ABHD6: variants seen among roughly 807,000 people sequenced by gnomAD.
ABHD6 encodes the protein monoacylglycerol lipase ABHD6.
In ABHD6, 33 loss-of-function variants were observed where a neutral mutation model predicts 38.8. That is an observed-to-expected ratio of 0.85 (90% CI 0.64 to 1.14). ABHD6 has a LOEUF of 1.14. Among genes scored for constraint, ABHD6 ranks in the 50% most tolerant of loss-of-function variants. The pLI is 0.00. For synonymous variants in ABHD6, 147 were observed against 161.6 expected (o/e 0.91, Z 0.69); for missense variants, 380 against 422.6 (o/e 0.90, Z 0.88).
intron 6 of ABHD6, among the ~76,000 whole-genome samples, chr3:58,271,931 AT>A (rs1559778912): frequency 6.6e-6 from 1 of 151,572 alleles, no homozygotes; most frequent in African/African-American, 2.4e-5. Flanking sequence ...TGCCCAGCTA[AT>A]TTTTTGCATT....
rs1174642541 is a variant in ABHD6 at position 58,256,104 on chromosome 3, CACACAT to C, written c.-25-452_-25-447del. 0.023 allele frequency among the ~76,000 whole-genome samples: 2,489 copies of C among 108,756 alleles called. 54 individuals carry two copies. The highest frequency in any genetic ancestry group is 0.12 in the East Asian group (439 of 3,776). 71.3% of individuals were successfully genotyped at this position (108,756 alleles called of 152,430 possible). On this transcript the variant is annotated intron_variant, in intron 2 of 9. Coordinates refer to ENST00000478253, the MANE Select transcript of ABHD6 (RefSeq NM_001320126.2). The surrounding 1 kb of genome is among the most constrained non-coding windows in gnomAD (Gnocchi z 4.3). ...ACACACACACACACACACACACACA[CACACAT>C]ACACACACTACTTTTTCTCTCCTGA...
rs1225574676 is a variant in ABHD6, at chr3:58,257,258, A to G, written c.119+553A>G. ...TCCACCCACATTCCCAAAGTCAGTG[A>G]TTCTGTCTTCAAGCAAGAATTGTAC... is the stretch of plus-strand genomic sequence containing the variant. On this transcript the variant is annotated intron_variant, in intron 3 of 9. Coordinates refer to ENST00000478253, the MANE Select transcript of ABHD6 (RefSeq NM_001320126.2). This position sits in a 1 kb window ranked among gnomAD's most constrained non-coding sequence, Gnocchi z 4.8. 1.3e-5 allele frequency among the ~76,000 whole-genome samples: 2 copies of G among 152,102 alleles called. No individual in the cohort carries two copies. Among genetic ancestry groups the G allele is most frequent in the African/African-American group, 4.8e-5 (2 of 41,500 alleles).
At chr3:58,275,257 G>C (rs1235007090) in intron 7 of ABHD6, among the ~76,000 whole-genome samples, 1 of 150,140 alleles carries the variant, frequency 6.7e-6, no homozygotes, top group African/African-American at 2.5e-5. Context: ...TGAAGATGGA[G>C]TTAGAAAGGG....
intron 7 of ABHD6, among the ~76,000 whole-genome samples, chr3:58,284,418 T>A (rs1243924169): frequency 6.6e-6 from 1 of 152,018 alleles, no homozygotes; most frequent in Non-Finnish European, 1.5e-5. Flanking sequence ...TGGATATTAC[T>A]GGCGAATTAC....
intron 4 of ABHD6, among the ~76,000 whole-genome samples, chr3:58,268,325 T>C (rs1340170189): frequency 2.6e-5 from 4 of 152,206 alleles, no homozygotes; most frequent in African/African-American, 9.7e-5. Context: ...CCTTCATTCC[T>C]TCTTTTCCTT....
At chr3:58,247,699 T>G (rs2097427379) in intron 1 of ABHD6, among the ~76,000 whole-genome samples, 1 of 152,060 alleles carries the variant, frequency 6.6e-6, no homozygotes, top group African/African-American at 2.4e-5. Context: ...CTCAGCCTCC[T>G]GAGTTGCAGG....
chr3:58,238,378 C>G lies in ABHD6; in HGVS notation c.-91+462C>G, dbSNP rs185109376. ...TCACGCGCCGCCTCCGCGCCGTCCC[C>G]AAGATCTCGCTCCGCTACTCCCCTC... On this transcript the variant is annotated intron_variant, in intron 1 of 9. Transcript: ENST00000478253. The surrounding 1 kb of genome is among the most constrained non-coding windows in gnomAD (Gnocchi z 6.9). 15 of 152,824 alleles carry G rather than the reference C, an allele frequency of 9.8e-5. No homozygotes were observed. The East Asian group carries it at 2.9e-3, about 29-fold the overall frequency. 9.5% of individuals were successfully genotyped at this position (152,824 alleles called of 1,614,324 possible).
Position 58,269,440 on chromosome 3 carries a change from C to G in ABHD6, c.390+6C>G, listed in dbSNP as rs1559777930. On this transcript the variant is annotated splice_donor_region_variant and intron_variant, in intron 5 of 9. Coordinates refer to ENST00000478253, the MANE Select transcript of ABHD6 (RefSeq NM_001320126.2). This position sits in a 1 kb window ranked among gnomAD's most constrained non-coding sequence, Gnocchi z 4.4. Reference sequence around the variant, plus strand: ...AAGTTAAGAGGATACACCAGGTAAGCAGGAGGCTCTACCAAAGATTGCCCA... The same window carrying G: ...AAGTTAAGAGGATACACCAGGTAAGGAGGAGGCTCTACCAAAGATTGCCCA... 2 of 1,606,534 alleles carry G rather than the reference C, an allele frequency of 1.2e-6. No individual in the cohort carries two copies. The highest frequency in any genetic ancestry group is 2.2e-5 in the East Asian group (1 of 44,792).
At chr3:58,282,267 C>T (rs975452858) in intron 7 of ABHD6, among the ~76,000 whole-genome samples, 1 of 152,102 alleles carries the variant, frequency 6.6e-6, no homozygotes, top group East Asian at 1.9e-4. Flanking sequence ...TGTAGGAGAG[C>T]ACAAATGGAA....
At position 58,285,316 on chromosome 3, in the gene ABHD6, C is replaced by G. The variant is rs1302341294; in HGVS notation, c.737-37C>G. 3 of 1,601,072 alleles carry G rather than the reference C, an allele frequency of 1.9e-6. No homozygotes were observed. The highest frequency in any genetic ancestry group is 1.7e-6 in the Non-Finnish European group (2 of 1,168,238). ...TCTGCGGTGGTGCCACAGGCACAGT[C>G]CAGCACATACTCACTTTGTTTTCCT... On this transcript the variant is annotated intron_variant, in intron 8 of 9. Transcript: ENST00000478253. This position sits in a 1 kb window ranked among gnomAD's most constrained non-coding sequence, Gnocchi z 4.9.
chr3:58,270,097 A>AT (rs2097443748), intron 5 of ABHD6, among the ~76,000 whole-genome samples: 2 of 152,144 alleles, frequency 1.3e-5, no homozygotes, highest in South Asian at 4.1e-4. Flanking sequence ...TCCAATGAAT[A>AT]TTTTTTAGAA....
At chr3:58,284,626 T>C (rs9836890) in intron 7 of ABHD6, among the ~76,000 whole-genome samples, 4,871 of 152,044 alleles carry the variant, frequency 0.032, 263 homozygotes, top group African/African-American at 0.11. Context: ...AGTTTTTGTC[T>C]TTTTAGTAGA....
chr3:58,294,104 C>T lies in ABHD6; in HGVS notation c.*339C>T, dbSNP rs1167568363. ...TAAATCAAGGACATTTTCTTTGAGA[C>T]ATTCCTTATAGTTGGAGACTCAAGA... On this transcript the variant is annotated 3_prime_UTR_variant, in exon 10 of 10. Transcript: ENST00000478253. 9.9e-6 allele frequency: 2 copies of T among 202,406 alleles called. No homozygotes were observed. Among genetic ancestry groups the T allele is most frequent in the Admixed American group, 5.5e-5 (1 of 18,338 alleles). 12.5% of individuals were successfully genotyped at this position (202,406 alleles called of 1,614,324 possible). A position where few individuals can be genotyped will look rare whatever the true frequency, so the allele number is the denominator to read the frequency against.
rs897259496 is a variant in ABHD6 at position 58,259,738 on chromosome 3, A to C, written c.119+3033A>C. On this transcript the variant is annotated intron_variant, in intron 3 of 9. Coordinates refer to ENST00000478253, the MANE Select transcript of ABHD6 (RefSeq NM_001320126.2). This position sits in a 1 kb window ranked among gnomAD's most constrained non-coding sequence, Gnocchi z 4.7. ...TGTAAATAAATAAAATGTACAATTCAGTGGTTTTAATATATTCAGAGTGTT... is the reference window on the plus strand; with the variant it reads ...TGTAAATAAATAAAATGTACAATTCCGTGGTTTTAATATATTCAGAGTGTT... Among the ~76,000 whole-genome samples the C allele has an allele frequency of 1.3e-5, 2 of 152,194 alleles. No homozygotes were observed. Among genetic ancestry groups the C allele is most frequent in the Admixed American group, 6.5e-5 (1 of 15,272 alleles).
chr3:58,244,850 T>C (rs1559769509), intron 1 of ABHD6, among the ~76,000 whole-genome samples: 1 of 152,360 alleles, frequency 6.6e-6, no homozygotes, highest in East Asian at 1.9e-4. Flanking sequence ...AGATTCGATT[T>C]TTGTTTTATT....
rs2097464577 is a variant in ABHD6, at chr3:58,293,229, C to G, written c.838-360C>G. ...TCCGTGAATGCTCCTCCCCTGTCCCCTTTCTGCTCTCCCGGGACTCAGGAA... is the reference window on the plus strand; with the variant it reads ...TCCGTGAATGCTCCTCCCCTGTCCCGTTTCTGCTCTCCCGGGACTCAGGAA... On this transcript the variant is annotated intron_variant, in intron 9 of 9. Coordinates refer to ENST00000478253, the MANE Select transcript of ABHD6 (RefSeq NM_001320126.2). The surrounding 1 kb of genome is among the most constrained non-coding windows in gnomAD (Gnocchi z 4.4). Among the ~76,000 whole-genome samples, 1 of 152,186 alleles carries G rather than the reference C, an allele frequency of 6.6e-6. No homozygotes were observed. The highest frequency in any genetic ancestry group is 6.5e-5 in the Admixed American group (1 of 15,284).
chr3:58,274,659 C>G lies in ABHD6; in HGVS notation c.525C>G (p.Gly175=). Residue 175 remains glycine (G), a splice_region_variant and synonymous_variant, in exon 7 of 10, where the codon GGC becomes GGG. Coordinates refer to ENST00000478253, the MANE Select transcript of ABHD6 (RefSeq NM_001320126.2). ...VSSLCLVCPA[G]LQYSTDNQFV... ...GCCATTTGGGTTTGAATCCCACAGG[C>G]CTGCAGTACTCAACTGACAATCAAT... The G allele has an allele frequency of 6.2e-7, 1 of 1,613,730 alleles. No homozygotes were observed. The highest frequency in any genetic ancestry group is 8.5e-7 in the Non-Finnish European group (1 of 1,179,752).
At position 58,263,490 on chromosome 3, in the gene ABHD6, G is replaced by T. The variant is rs1323415824; in HGVS notation, c.120-3699G>T. 6.6e-6 allele frequency among the ~76,000 whole-genome samples: 1 copy of T among 152,028 alleles called. No homozygotes were observed. Among genetic ancestry groups the T allele is most frequent in the Non-Finnish European group, 1.5e-5 (1 of 68,014 alleles). ...ATGTACCAATTAAATGAAAAATATC[G>T]AGTAGTACCAAAGAGCTCTGTCTGA... On this transcript the variant is annotated intron_variant, in intron 3 of 9. Coordinates refer to ENST00000478253, the MANE Select transcript of ABHD6 (RefSeq NM_001320126.2). The surrounding 1 kb of genome is among the most constrained non-coding windows in gnomAD (Gnocchi z 4.9).
chr3:58,240,560 T>A (rs2097422080), intron 1 of ABHD6, among the ~76,000 whole-genome samples: 1 of 152,038 alleles, frequency 6.6e-6, no homozygotes, highest in South Asian at 2.1e-4. Context: ...CCTATTTGAG[T>A]CTTAAAAAAA....
Sources: gnomAD v4.1 joint callset for allele counts (sites outside exome capture counted in the v4.1 genomes callset) on GRCh38, gnomAD v4.1.1 for gene constraint, Gnocchi (gnomAD v3.1) non-coding constraint, MANE v1.5 for transcripts, NCBI Gene and HGNC (gene_info 2026-07-23, HGNC 2026-07-21) for gene names.